The following ANKRD46 variants were observed in gnomAD, a reference collection of about 807,000 sequenced individuals.
The protein encoded by ANKRD46 is ankyrin repeat domain 46.
ANKRD46 carries 13 observed loss-of-function variants against 19.8 expected under a neutral mutation model. That is an observed-to-expected ratio of 0.66 (90% confidence interval 0.43 to 1.04). ANKRD46 has a LOEUF of 1.04. Ranked by LOEUF, ANKRD46 falls within the 50% of genes least tolerant of loss-of-function variation. The pLI is 0.00. For missense variants in ANKRD46, 185 were observed against 274.8 expected, an observed-to-expected ratio of 0.67 and a Z score of 2.31; for synonymous variants, 91 against 106.9, an observed-to-expected ratio of 0.85 and a Z score of 0.92.
rs115045550 is a variant in ANKRD46, at chr8:100,550,823, G to A, written c.-131+8888C>T. 4,676 of 460,834 alleles carry A rather than the reference G, an allele frequency of 0.01. 192 individuals are homozygous for A. The highest frequency in any genetic ancestry group is 0.081 in the African/African-American group (4,076 of 50,232). 28.5% of individuals were successfully genotyped at this position (460,834 alleles called of 1,614,324 possible). A position where few individuals can be genotyped will look rare whatever the true frequency, so the allele number is the denominator to read the frequency against. On this transcript the variant is annotated intron_variant, in intron 1 of 4. Coordinates refer to ENST00000335659, the MANE Select transcript of ANKRD46 (RefSeq NM_001270377.2). This position sits in a 1 kb window ranked among gnomAD's most constrained non-coding sequence, Gnocchi z 4.4. ...TGACAAAGTGGTCACTGAGGGCAAT[G>A]GCAGCCCCAGCATCGAAAGTGGAAG...
intron 1 of ANKRD46, chr8:100,551,573 G>C: frequency 2.7e-6 from 2 of 748,662 alleles, no homozygotes; most frequent in South Asian, 2.7e-5. Flanking sequence ...AGAAATACTG[G>C]AACATGCAGA....
downstream of ANKRD46, among the ~76,000 whole-genome samples, chr8:100,517,290 A>G (rs565343668): frequency 1.3e-5 from 2 of 152,252 alleles, no homozygotes; most frequent in Non-Finnish European, 2.9e-5. Flanking sequence ...GCTGCCCAAG[A>G]GTACCAGAAA....
At chr8:100,517,731 C>G (rs62515179), downstream of ANKRD46, among the ~76,000 whole-genome samples, 7,664 of 152,298 alleles carry the variant, frequency 0.05, 304 homozygotes, top group Non-Finnish European at 0.074. Context: ...TTAACCTCAT[C>G]CCAAAGTTCT....
chr8:100,533,960 G>C (rs866464452), intron 1 of ANKRD46, among the ~76,000 whole-genome samples: 1 of 152,172 alleles, frequency 6.6e-6, no homozygotes, highest in African/African-American at 2.4e-5. Context: ...GAGAGACTAC[G>C]AGGGCACCCT....
intron 1 of ANKRD46, among the ~76,000 whole-genome samples, chr8:100,542,647 AAGTACATGCTTAGAAATGGCTCC>A (rs1812197321): frequency 6.6e-6 from 1 of 152,116 alleles, no homozygotes; most frequent in Non-Finnish European, 1.5e-5. Context: ...TGAGAGTAGG[AAGTACATGCTTAGAAATGGCTCC>A]AGGTTCACAA....
chr8:100,538,359 G>A (rs1812106644), intron 1 of ANKRD46, among the ~76,000 whole-genome samples: 1 of 152,126 alleles, frequency 6.6e-6, no homozygotes, highest in Admixed American at 6.5e-5. Context: ...CGTATGTACA[G>A]ACTTTCTTTC....
intron 1 of ANKRD46, among the ~76,000 whole-genome samples, chr8:100,541,534 G>A (rs954033519): frequency 6.6e-6 from 1 of 152,124 alleles, no homozygotes. Context: ...CAAGCCTAGA[G>A]GATATAGCCT....
chr8:100,555,442 C>A, intron 1 of ANKRD46, among the ~76,000 whole-genome samples: 1 of 148,000 alleles, frequency 6.8e-6, no homozygotes, highest in South Asian at 2.2e-4. Context: ...ATTAAGAACT[C>A]AGGGTGGGGG....
rs1812062204 is a variant in ANKRD46, at chr8:100,536,210, TCTGTGCCC to T, written c.-130-2907_-130-2900del. On this transcript the variant is annotated intron_variant, in intron 1 of 4. Coordinates refer to ENST00000335659, the MANE Select transcript of ANKRD46 (RefSeq NM_001270377.2). This position sits in a 1 kb window ranked among gnomAD's most constrained non-coding sequence, Gnocchi z 4.9. The stretch of plus-strand genomic sequence containing the variant: ...CTTTCAAGATTCACTGAGGACTGAG[TCTGTGCCC>T]CTGTGAATGGATGTGAAACCTAAGT... Among the ~76,000 whole-genome samples, 1 of 152,016 alleles carries T rather than the reference TCTGTGCCC, an allele frequency of 6.6e-6. No individual in the cohort carries two copies.
intron 5 of ANKRD46, among the ~76,000 whole-genome samples, chr8:100,513,451 T>C (rs1811581004): frequency 6.6e-6 from 1 of 152,232 alleles, no homozygotes; most frequent in East Asian, 1.9e-4. Context: ...TCGTGATAGG[T>C]CTGTGAGGTT....
downstream of ANKRD46, among the ~76,000 whole-genome samples, chr8:100,518,430 A>G (rs1811668058): frequency 6.6e-6 from 1 of 152,250 alleles, no homozygotes; most frequent in Non-Finnish European, 1.5e-5. Context: ...AATTATAAGT[A>G]GCACTGCTGT....
At position 100,521,590 on chromosome 8, in the gene ANKRD46, T is replaced by C. The variant is rs1811724617; in HGVS notation, c.*965A>G. On this transcript the variant is annotated 3_prime_UTR_variant, in exon 5 of 5. Coordinates refer to ENST00000335659, the MANE Select transcript of ANKRD46 (RefSeq NM_001270377.2). ...ATTCTTGCCATCAGAGAATTACAGA[T>C]ATGGATGGGATTGTTAAAAGTCTAA... 1 of 985,400 alleles carries C rather than the reference T, an allele frequency of 1.0e-6. No homozygotes were observed. The highest frequency in any genetic ancestry group is 4.7e-5 in the South Asian group (1 of 21,286). 61.0% of individuals were successfully genotyped at this position (985,400 alleles called of 1,614,324 possible).
chr8:100,520,861 C>G lies in ANKRD46; in HGVS notation c.*1694G>C, dbSNP rs62515182. ...CAAAGAAATCAGCACATAAAAGGAACCATTAATCTTTAAAAATGCTATATA... is the reference window on the plus strand; with the variant it reads ...CAAAGAAATCAGCACATAAAAGGAAGCATTAATCTTTAAAAATGCTATATA... On this transcript the variant is annotated 3_prime_UTR_variant, in exon 5 of 5. Transcript: ENST00000335659. The G allele has an allele frequency of 1.4e-5, 14 of 983,872 alleles. No homozygotes were observed. Among genetic ancestry groups the G allele is most frequent in the Non-Finnish European group, 1.7e-5 (14 of 829,244 alleles). 60.9% of individuals were successfully genotyped at this position (983,872 alleles called of 1,614,324 possible).
Position 100,521,640 on chromosome 8 carries a change from A to G in ANKRD46, c.*915T>C, listed in dbSNP as rs15989. On this transcript the variant is annotated 3_prime_UTR_variant, in exon 5 of 5. Coordinates refer to ENST00000335659, the MANE Select transcript of ANKRD46 (RefSeq NM_001270377.2). ...ACAGGGCCTCCAAATAGGATTGCAC[A>G]TGAAATAATTATGAACTATGATAAA... is the stretch of plus-strand genomic sequence containing the variant. The G allele has an allele frequency of 0.38, 372,015 of 985,152 alleles. 70,787 individuals carry two copies. The highest frequency in any genetic ancestry group is 0.42 in the Middle Eastern group (804 of 1,914). The allele number at this position is 985,152 out of a possible 1,614,324, so 61.0% of individuals were successfully genotyped here.
In ANKRD46 at chr8:100,537,183, T is replaced by C. The variant is rs1212843071; in HGVS notation, c.-130-3872A>G. 6.6e-6 allele frequency among the ~76,000 whole-genome samples: 1 copy of C among 152,172 alleles called. No individual in the cohort carries two copies. The highest frequency in any genetic ancestry group is 2.4e-5 in the African/African-American group (1 of 41,432). On this transcript the variant is annotated intron_variant, in intron 1 of 4. Transcript: ENST00000335659. This position sits in a 1 kb window ranked among gnomAD's most constrained non-coding sequence, Gnocchi z 4.2. The stretch of plus-strand genomic sequence containing the variant: ...GACTAATGGAGAGAATATATATACT[T>C]ATAACTAAAAATTGTTCTATATCCA...
chr8:100,538,192 A>C (rs1812102122), intron 1 of ANKRD46, among the ~76,000 whole-genome samples: 1 of 152,052 alleles, frequency 6.6e-6, no homozygotes. Context: ...ATTTTTTCTT[A>C]TGACTAGTTC....
Position 100,543,144 on chromosome 8 carries a change from CAA to C in ANKRD46, c.-130-9835_-130-9834del, listed in dbSNP as rs1472294498. On this transcript the variant is annotated intron_variant, in intron 1 of 4. Transcript: ENST00000335659. This position sits in a 1 kb window ranked among gnomAD's most constrained non-coding sequence, Gnocchi z 4.2. ...TGTGACTAACATGGGAAAGAATTGT[CAA>C]AGACTATGGATCTTAAGTTTTAATA... is the stretch of plus-strand genomic sequence containing the variant. Among the ~76,000 whole-genome samples, 6 of 152,118 alleles carry C rather than the reference CAA, an allele frequency of 3.9e-5. No individual in the cohort carries two copies. The highest frequency in any genetic ancestry group is 7.3e-5 in the Non-Finnish European group (5 of 68,034).
At position 100,539,496 on chromosome 8, in the gene ANKRD46, C is replaced by T. The variant is rs1481520236; in HGVS notation, c.-130-6185G>A. Among the ~76,000 whole-genome samples the T allele has an allele frequency of 4.6e-5, 7 of 152,134 alleles. No individual in the cohort carries two copies. The East Asian group carries it at 1.3e-3, about 29-fold the overall frequency. On this transcript the variant is annotated intron_variant, in intron 1 of 4. Coordinates refer to ENST00000335659, the MANE Select transcript of ANKRD46 (RefSeq NM_001270377.2). ...CCAAGGCTCAATAATAACAGAAGTT[C>T]AAATTTTTAGCAAATTTTTGGAGCA...
Position 100,532,140 on chromosome 8 carries a change from A to G in ANKRD46, c.-28+1069T>C, listed in dbSNP as rs963488651. Among the ~76,000 whole-genome samples, 4 of 152,186 alleles carry G rather than the reference A, an allele frequency of 2.6e-5. No individual in the cohort carries two copies. Among genetic ancestry groups the G allele is most frequent in the Non-Finnish European group, 5.9e-5 (4 of 68,024 alleles). ...AAAAACTACAGAGATTAAAATCAAA[A>G]TAAACTTCAGATTATGATACATATG... On this transcript the variant is annotated intron_variant, in intron 2 of 4. Transcript: ENST00000335659. The surrounding 1 kb of genome is among the most constrained non-coding windows in gnomAD (Gnocchi z 4.7).
Sources: allele counts gnomAD v4.1 joint callset (sites outside exome capture counted in the v4.1 genomes callset), GRCh38; gene constraint gnomAD v4.1.1; non-coding constraint Gnocchi (gnomAD v3.1); transcripts MANE v1.5; gene names NCBI Gene and HGNC (gene_info 2026-07-23, HGNC 2026-07-21).